The following GRM3 variants were observed in gnomAD, a reference collection of about 807,000 sequenced individuals.
The protein encoded by GRM3 is metabotropic glutamate receptor 3.
Under a neutral mutation model 70.5 loss-of-function variants are expected in GRM3, and 26 were observed. The ratio of observed to expected loss-of-function variants is 0.37; its 90% CI spans 0.27 to 0.51. The LOEUF is 0.51. Ranked by LOEUF, GRM3 falls within the 20% of genes least tolerant of loss-of-function variation. The pLI, the probability that GRM3 is intolerant of heterozygous loss-of-function variation, is 0.93. For missense variants in GRM3, 859 were observed against 1,123.8 expected, an observed-to-expected ratio of 0.76 and a Z score of 3.37; for synonymous variants, 443 against 434.9, an observed-to-expected ratio of 1.02 and a Z score of -0.23.
chr7:86,743,796 C>T (rs531665498), intron 1 of GRM3, among the ~76,000 whole-genome samples: 3 of 152,070 alleles, frequency 2.0e-5, no homozygotes, highest in African/African-American at 7.2e-5. Flanking sequence ...GAGTGTTCAG[C>T]CCCTCCTCCA....
At chr7:86,738,328 T>G (rs1289725503) in intron 1 of GRM3, among the ~76,000 whole-genome samples, 1 of 152,008 alleles carries the variant, frequency 6.6e-6, no homozygotes, top group Non-Finnish European at 1.5e-5. Flanking sequence ...TTGAACAAAG[T>G]CAAGGAGAAC....
intron 1 of GRM3, among the ~76,000 whole-genome samples, chr7:86,739,892 T>C (rs1227685592): frequency 6.6e-6 from 1 of 152,190 alleles, no homozygotes; most frequent in Non-Finnish European, 1.5e-5. Context: ...CTGATCCTCA[T>C]TTTTTCCTTC....
At chr7:86,687,089 G>A (rs1382572224) in intron 1 of GRM3, among the ~76,000 whole-genome samples, 3 of 151,752 alleles carry the variant, frequency 2.0e-5, no homozygotes, top group Admixed American at 1.3e-4. Flanking sequence ...GAAAATCTAG[G>A]AAAAAAGTCA....
At chr7:86,700,613 AG>A (rs1470016298) in intron 1 of GRM3, among the ~76,000 whole-genome samples, 1 of 151,944 alleles carries the variant, frequency 6.6e-6, no homozygotes, top group Non-Finnish European at 1.5e-5. Flanking sequence ...TTATTACTGA[AG>A]TCAGACAGTT....
intron 3 of GRM3, chr7:86,833,098 C>A: frequency 3.1e-6 from 3 of 980,470 alleles, no homozygotes; most frequent in Middle Eastern, 5.2e-4. Context: ...GATGCTTACT[C>A]CCATGGTGAG....
At chr7:86,722,603 CG>C (rs1331869583) in intron 1 of GRM3, among the ~76,000 whole-genome samples, 1 of 44,578 alleles carries the variant, frequency 2.2e-5, no homozygotes, top group Non-Finnish European at 4.6e-5. Context: ...TGGGGACTGT[CG>C]GGGGGTGGGG....
chr7:86,664,061 A>G (rs888007150), intron 1 of GRM3, among the ~76,000 whole-genome samples: 1 of 151,984 alleles, frequency 6.6e-6, no homozygotes, highest in Non-Finnish European at 1.5e-5. Context: ...GAGCAGCACT[A>G]TATTATGTTG....
intron 1 of GRM3, among the ~76,000 whole-genome samples, chr7:86,737,442 C>G (rs561920075): frequency 2.0e-5 from 3 of 152,320 alleles, no homozygotes; most frequent in South Asian, 2.1e-4. Context: ...GACTGAATCT[C>G]TCTGAACACT....
At chr7:86,762,891 G>A (rs562673190) in intron 1 of GRM3, among the ~76,000 whole-genome samples, 1 of 152,248 alleles carries the variant, frequency 6.6e-6, no homozygotes, top group South Asian at 2.1e-4. Flanking sequence ...TGCAGCTTAA[G>A]ATCTGAAGGC....
At chr7:86,785,298 A>G (rs1056653654) in intron 2 of GRM3, among the ~76,000 whole-genome samples, 1 of 152,232 alleles carries the variant, frequency 6.6e-6, no homozygotes, top group Non-Finnish European at 1.5e-5. Flanking sequence ...TAATCTGTTT[A>G]GATATTTGTA....
At chr7:86,794,517 A>C (rs1156582731) in intron 3 of GRM3, among the ~76,000 whole-genome samples, 1 of 152,212 alleles carries the variant, frequency 6.6e-6, no homozygotes, top group Non-Finnish European at 1.5e-5. Context: ...ATGAGCATAC[A>C]TCCTAAAGAT....
intron 5 of GRM3, among the ~76,000 whole-genome samples, chr7:86,863,054 G>T (rs1205940114): frequency 6.6e-6 from 1 of 152,114 alleles, no homozygotes; most frequent in Non-Finnish European, 1.5e-5. Flanking sequence ...TATACAAATA[G>T]ACAGGCCAAG....
chr7:86,713,555 A>G lies in GRM3; in HGVS notation c.-140-51451A>G, dbSNP rs145568810. Among the ~76,000 whole-genome samples the G allele has an allele frequency of 1.1e-3, 162 of 152,008 alleles. 1 individual carries two copies. The highest frequency in any genetic ancestry group is 3.7e-3 in the African/African-American group (153 of 41,482). ...ATTGTCTCAGTCTGACACAACCTCC[A>G]GGCCCCTCCCTACCCCCCGTCAAAC... On this transcript the variant is annotated intron_variant, in intron 1 of 5. Coordinates refer to ENST00000361669, the MANE Select transcript of GRM3 (RefSeq NM_000840.3).
At chr7:86,700,121 T>G (rs1216131740) in intron 1 of GRM3, among the ~76,000 whole-genome samples, 1 of 151,968 alleles carries the variant, frequency 6.6e-6, no homozygotes, top group Admixed American at 6.6e-5. Flanking sequence ...TTAACCAAGC[T>G]CATGAAACTG....
intron 1 of GRM3, among the ~76,000 whole-genome samples, chr7:86,693,847 C>T (rs928594127): frequency 7.9e-5 from 12 of 152,166 alleles, no homozygotes; most frequent in African/African-American, 2.9e-4. Flanking sequence ...ACTATCTCTT[C>T]CTTTGACCAC....
chr7:86,855,342 G>A (rs189155049), intron 5 of GRM3, among the ~76,000 whole-genome samples: 1 of 152,294 alleles, frequency 6.6e-6, no homozygotes, highest in Admixed American at 6.5e-5. Flanking sequence ...AGCATAGACT[G>A]GGGAGAGAAA....
chr7:86,777,620 C>T (rs1406099113), intron 2 of GRM3, among the ~76,000 whole-genome samples: 2 of 152,144 alleles, frequency 1.3e-5, no homozygotes, highest in African/African-American at 4.8e-5. Flanking sequence ...GGGACATGGG[C>T]ATCAATTGTT....
chr7:86,708,952 C>T (rs1795127044), intron 1 of GRM3, among the ~76,000 whole-genome samples: 1 of 151,964 alleles, frequency 6.6e-6, no homozygotes, highest in African/African-American at 2.4e-5. Flanking sequence ...CATATACACA[C>T]ACACACACAA....
At chr7:86,817,701 T>A (rs1170970464) in intron 3 of GRM3, among the ~76,000 whole-genome samples, 4 of 152,032 alleles carry the variant, frequency 2.6e-5, no homozygotes, top group Non-Finnish European at 5.9e-5. Flanking sequence ...CATTTATCCT[T>A]GCAGTAATAT....
Sources: allele counts gnomAD v4.1 joint callset (sites outside exome capture counted in the v4.1 genomes callset), GRCh38; gene constraint gnomAD v4.1.1; transcripts MANE v1.5; gene names NCBI Gene and HGNC (gene_info 2026-07-23, HGNC 2026-07-21).